Variants in CCDC141 observed in about 807,000 individuals in gnomAD.
The protein encoded by CCDC141 is coiled-coil domain containing 141.
CCDC141 carries 168 observed loss-of-function variants against 181.0 expected under a neutral mutation model. That is an observed-to-expected ratio of 0.93 (90% confidence interval 0.82 to 1.05). CCDC141 has a LOEUF of 1.05. Among genes scored for constraint, CCDC141 ranks in the 50% least tolerant of loss-of-function variants. The pLI, the probability that CCDC141 is intolerant of heterozygous loss-of-function variation, is 0.00. For synonymous variants in CCDC141, 666 were observed against 642.3 expected (o/e 1.04, Z -0.56); for missense variants, 1,902 against 1,788.5 (o/e 1.06, Z -1.14).
chr2:178,836,019 C>G (rs1390441266), intron 23 of CCDC141: 4 of 152,560 alleles, frequency 2.6e-5, no homozygotes, highest in East Asian at 3.8e-4. Flanking sequence ...CATTTAATAT[C>G]TACTGAAACA....
intron 21 of CCDC141, among the ~76,000 whole-genome samples, chr2:178,846,649 T>C (rs2220127): frequency 0.2 from 30,762 of 152,070 alleles, 5,118 homozygotes; most frequent in East Asian, 0.73. Context: ...TATTCCAAAA[T>C]ATCAGCTGGT....
chr2:178,884,786 G>T (rs1295107992), intron 11 of CCDC141, 115 bp downstream of exon 11: 1 of 670,910 alleles, frequency 1.5e-6, no homozygotes, highest in East Asian at 2.7e-5. Flanking sequence ...GTGAGCCCAC[G>T]CACAGGGGTA....
chr2:179,042,759 T>C (rs957467654), intron 2 of CCDC141, among the ~76,000 whole-genome samples: 1 of 152,042 alleles, frequency 6.6e-6, no homozygotes, highest in Non-Finnish European at 1.5e-5. Context: ...GCCGACATCA[T>C]AAAGCTAGAA....
chr2:178,994,109 G>A (rs916192243), intron 2 of CCDC141, among the ~76,000 whole-genome samples: 5 of 152,080 alleles, frequency 3.3e-5, no homozygotes, highest in South Asian at 2.1e-4. Context: ...CTGGAGTCTC[G>A]AGGACAGTGG....
chr2:178,981,455 C>T (rs1045146553), intron 2 of CCDC141, among the ~76,000 whole-genome samples: 13 of 151,280 alleles, frequency 8.6e-5, no homozygotes, highest in Admixed American at 4.0e-4. Context: ...GCCAAAAATA[C>T]CACAATATTT....
chr2:178,975,357 G>A (rs1332386018), intron 3 of CCDC141, among the ~76,000 whole-genome samples, 192 bp from the exon 4 acceptor site: 1 of 152,118 alleles, frequency 6.6e-6, no homozygotes, highest in Non-Finnish European at 1.5e-5. Context: ...GTGTTTGCAT[G>A]TGGTCAATTT....
In CCDC141 at chr2:178,975,207, A is replaced by G. The variant is rs1253135795; in HGVS notation, c.418-42T>C. On this transcript the variant is annotated intron_variant, in intron 3 of 23. Transcript: ENST00000443758. ...GAGGAAAGACATTTGACATTTGTAT[A>G]AAAATTAACGTGCCATTGTTAGTTA... is the stretch of plus-strand genomic sequence containing the variant. 3.7e-6 allele frequency: 4 copies of G among 1,075,128 alleles called. No individual in the cohort carries two copies. The Admixed American group carries it at 7.7e-5, about 21-fold the overall frequency. 66.6% of individuals were successfully genotyped at this position (1,075,128 alleles called of 1,614,324 possible). A position where few individuals can be genotyped will look rare whatever the true frequency, so the allele number is the denominator to read the frequency against.
intron 2 of CCDC141, among the ~76,000 whole-genome samples, chr2:178,992,388 A>C (rs1323836677): frequency 6.7e-6 from 1 of 149,534 alleles, no homozygotes; most frequent in East Asian, 1.9e-4. Flanking sequence ...GGAAAAAAAA[A>C]ACACATGCCA....
intron 3 of CCDC141, among the ~76,000 whole-genome samples, chr2:178,977,162 G>A (rs985525671): frequency 2.6e-5 from 4 of 152,096 alleles, no homozygotes; most frequent in African/African-American, 4.8e-5. Flanking sequence ...AAAAGCTCAC[G>A]CAAGTGTAAG....
At chr2:179,042,278 TAAATG>T (rs2043330329) in intron 2 of CCDC141, among the ~76,000 whole-genome samples, 1 of 152,156 alleles carries the variant, frequency 6.6e-6, no homozygotes, top group Non-Finnish European at 1.5e-5. Context: ...ATCATACAAC[TAAATG>T]AAAATTGAAC....
In CCDC141 at chr2:178,837,651, C is replaced by T; in HGVS notation, c.3568G>A (p.Gly1190Ser). 2.5e-6 allele frequency: 4 copies of T among 1,614,026 alleles called. No individual in the cohort carries two copies. Among genetic ancestry groups the T allele is most frequent in the Non-Finnish European group, 3.4e-6 (4 of 1,179,956 alleles). Residue 1190 changes from glycine (G) to serine (S), a missense_variant, in exon 23 of 24, where the codon GGC becomes AGC. By Grantham distance (56) the Gly-to-Ser change is moderately conservative. Transcript: ENST00000443758. ...TCAGGCAGGAGCAGGTCCTGGACGC[C>T]ACCCTCCTTGTCAGTGGACACCTTC... is the stretch of plus-strand genomic sequence containing the variant. ...DLKVSTDKEG[G>S]VQDLLLPEDM...
In CCDC141 at chr2:178,856,331, T is replaced by C. The variant is rs774734070; in HGVS notation, c.2791A>G (p.Asn931Asp). 13 of 1,611,620 alleles carry C rather than the reference T, an allele frequency of 8.1e-6. No homozygotes were observed. The highest frequency in any genetic ancestry group is 9.3e-6 in the Non-Finnish European group (11 of 1,178,370). The stretch of plus-strand genomic sequence containing the variant: ...GCCTTCAGATTCCGAGATTTTTCAT[T>C]TTTCTTAGTGTAATTAAACTTCAAA... ...NNLKFNYTKK[N>D]EKSRNLKALK... The change falls in exon 18 of 24, where the codon AAT becomes GAT. Residue 931 changes from asparagine (N) to aspartate (D), a missense_variant. Transcript: ENST00000443758.
At chr2:178,995,353 A>G (rs1233781346) in intron 2 of CCDC141, among the ~76,000 whole-genome samples, 5 of 152,104 alleles carry the variant, frequency 3.3e-5, no homozygotes, top group Non-Finnish European at 5.9e-5. Flanking sequence ...AATTTTTAAA[A>G]CCATCAGATC....
At chr2:178,873,126 T>G (rs1686193607) in intron 12 of CCDC141, 1 of 152,222 alleles carries the variant, frequency 6.6e-6, no homozygotes, top group Admixed American at 6.5e-5. Flanking sequence ...CCAGGCTTTC[T>G]CAATAAATCT....
At chr2:178,946,915 A>C (rs1295419417) in intron 5 of CCDC141, among the ~76,000 whole-genome samples, 1 of 152,218 alleles carries the variant, frequency 6.6e-6, no homozygotes, top group African/African-American at 2.4e-5. Context: ...CTCTAGATCT[A>C]CAAATTTTTA....
Position 178,970,199 on chromosome 2 carries a change from A to C in CCDC141, c.526+4858T>G, listed in dbSNP as rs527756364. ...ATTGTGAAAATGACCATACTGCCCA[A>C]AGTAATTTATAGATTCAATGCTATC... On this transcript the variant is annotated intron_variant, in intron 4 of 23. Coordinates refer to ENST00000443758, the MANE Select transcript of CCDC141 (RefSeq NM_173648.4). Among the ~76,000 whole-genome samples the C allele has an allele frequency of 3.3e-5, 5 of 152,314 alleles. No individual in the cohort carries two copies. In the East Asian group the frequency reaches 9.6e-4, roughly 29 times the overall value.
intron 17 of CCDC141, 140 bp from the exon 18 acceptor site, chr2:178,856,537 C>CTCTCT: frequency 2.1e-6 from 1 of 481,786 alleles, no homozygotes; most frequent in Non-Finnish European, 3.6e-6. Flanking sequence ...TCCCTCCCTC[C>CTCTCT]CTCTCTCTTT....
chr2:178,848,750 G>A (rs1685042717), intron 21 of CCDC141, among the ~76,000 whole-genome samples: 2 of 152,148 alleles, frequency 1.3e-5, no homozygotes, highest in Admixed American at 1.3e-4. Context: ...TTGGAAGTCA[G>A]AAGCAGCAGC....
Position 178,987,012 on chromosome 2 carries a change from C to T in CCDC141, c.226-8337G>A, listed in dbSNP as rs568669044. ...CAAAAAAGAGCCCGCATCGCCAAGT[C>T]AATCCAAAGCCAAAAGAACAAAGCT... On this transcript the variant is annotated intron_variant, in intron 2 of 23. Transcript: ENST00000443758. Among the ~76,000 whole-genome samples, 26 of 152,094 alleles carry T rather than the reference C, an allele frequency of 1.7e-4. No homozygotes were observed. In the South Asian group the frequency reaches 5.5e-3, roughly 32 times the overall value.
Sources: allele counts gnomAD v4.1 joint callset (sites outside exome capture counted in the v4.1 genomes callset), GRCh38; gene constraint gnomAD v4.1.1; transcripts MANE v1.5; gene names NCBI Gene and HGNC (gene_info 2026-07-23, HGNC 2026-07-21).